The following SNW1 variants were observed in gnomAD, a reference collection of about 807,000 sequenced individuals.
The protein encoded by SNW1 is SNW domain-containing protein 1.
A neutral mutation model predicts 75.6 loss-of-function variants in SNW1; 9 were observed. That is an observed-to-expected ratio of 0.12 (90% CI 0.07 to 0.21). SNW1 has a LOEUF of 0.21. SNW1 is among the 10% of genes least tolerant of loss of function. The pLI, the probability that SNW1 is intolerant of heterozygous loss-of-function variation, is 1.00. For missense variants in SNW1, 409 were observed against 670.9 expected (o/e 0.61, Z 4.31); for synonymous variants, 200 against 219.1 (o/e 0.91, Z 0.77).
intron 3 of SNW1, among the ~76,000 whole-genome samples, chr14:77,741,225 G>A (rs2080716613): frequency 6.6e-6 from 1 of 151,424 alleles, no homozygotes; most frequent in Admixed American, 6.6e-5. Flanking sequence ...TGCTAAAGGT[G>A]TTTATAGGCC....
intron 10 of SNW1, among the ~76,000 whole-genome samples, chr14:77,726,090 T>G (rs1434439477): frequency 6.6e-6 from 1 of 152,206 alleles, no homozygotes; most frequent in Non-Finnish European, 1.5e-5. Flanking sequence ...TTTTTTCTTT[T>G]TATTCAGGAT....
intron 3 of SNW1, among the ~76,000 whole-genome samples, chr14:77,748,855 G>C (rs1023715696): frequency 2.6e-5 from 4 of 152,012 alleles, no homozygotes; most frequent in South Asian, 2.1e-4. Context: ...CCAAAGTGCT[G>C]GGATTACAGG....
intron 2 of SNW1, among the ~76,000 whole-genome samples, chr14:77,753,191 T>A (rs1207650827): frequency 6.6e-6 from 1 of 152,252 alleles, no homozygotes; most frequent in Non-Finnish European, 1.5e-5. Context: ...TAAGTTGTTC[T>A]GTTTCACCAG....
intron 3 of SNW1, among the ~76,000 whole-genome samples, chr14:77,744,615 C>G (rs57654091): frequency 6.6e-6 from 1 of 151,942 alleles, no homozygotes; most frequent in Non-Finnish European, 1.5e-5. Context: ...ATCACCAATA[C>G]AGACAGTGAT....
chr14:77,722,838 CTTTTTTTTTTT>C (rs773466539), intron 11 of SNW1: 7 of 287,354 alleles, frequency 2.4e-5, no homozygotes, highest in East Asian at 1.0e-4. Flanking sequence ...TGGTACATAT[CTTTTTTTTTTT>C]TTTTTTTTTT....
At position 77,761,147 on chromosome 14, in the gene SNW1, C is replaced by G. The variant is rs1331380462; in HGVS notation, c.-20G>C. ...CGCCATCTTCTTCCGCTTCTTCCAG[C>G]GCGAGCGACAGCACCGCTGGGCGGG... On this transcript the variant is annotated 5_prime_UTR_variant, in exon 1 of 14. Coordinates refer to ENST00000261531, the MANE Select transcript of SNW1 (RefSeq NM_012245.3). 3 of 1,614,232 alleles carry G rather than the reference C, an allele frequency of 1.9e-6. No homozygotes were observed. The highest frequency in any genetic ancestry group is 1.6e-4 in the Middle Eastern group (1 of 6,062).
chr14:77,723,863 T>C (rs2080563362), intron 10 of SNW1, among the ~76,000 whole-genome samples: 1 of 152,160 alleles, frequency 6.6e-6, no homozygotes, highest in Non-Finnish European at 1.5e-5. Context: ...CAAGCTAGTC[T>C]CAAACTCCTG....
At chr14:77,734,015 A>G in intron 8 of SNW1, 1 of 374,570 alleles carries the variant, frequency 2.7e-6, no homozygotes. Flanking sequence ...AATCAACTCA[A>G]ATCAGACCAG....
Position 77,720,738 on chromosome 14 carries a change from A to G in SNW1, c.1221T>C (p.Tyr407=), listed in dbSNP as rs2080533105. The change falls in exon 12 of 14, where the codon TAT becomes TAC. Residue 407 remains tyrosine, a synonymous_variant. Transcript: ENST00000261531. ...TGGATTGGTTGAAGAGCCTTTGGTCATACTGAACTTCATTGGAAGTCCGAG... is the reference window on the plus strand; with the variant it reads ...TGGATTGGTTGAAGAGCCTTTGGTCGTACTGAACTTCATTGGAAGTCCGAG... The part of the protein sequence containing the change: ...PNPRTSNEVQ[Y]DQRLFNQSKG... 6.2e-7 allele frequency: 1 copy of G among 1,613,122 alleles called. No individual in the cohort carries two copies. The highest frequency in any genetic ancestry group is 8.5e-7 in the Non-Finnish European group (1 of 1,179,106).
chr14:77,718,300 GA>G lies in SNW1; in HGVS notation c.1413-15del. The G allele has an allele frequency of 6.2e-7, 1 of 1,613,980 alleles. No individual in the cohort carries two copies. Among genetic ancestry groups the G allele is most frequent in the Non-Finnish European group, 8.5e-7 (1 of 1,179,936 alleles). On this transcript the variant is annotated splice_polypyrimidine_tract_variant and intron_variant, in intron 13 of 13. Transcript: ENST00000261531. Reference sequence around the variant, plus strand: ...TCGGGAACAAATCTAAGGAAAAGGAGAAAAAACTATGAACTACTTTGCTTTC... The same window carrying G: ...TCGGGAACAAATCTAAGGAAAAGGAGAAAAACTATGAACTACTTTGCTTTC...
chr14:77,735,835 A>G lies in SNW1; in HGVS notation c.708+102T>C, dbSNP rs1006922053. ...CTTGAAAAATAAAAAAAGAAACTAC[A>G]AGTCAGTGTGGTGACATGCACCTGT... On this transcript the variant is annotated intron_variant, in intron 7 of 13. Transcript: ENST00000261531. 22 of 732,716 alleles carry G rather than the reference A, an allele frequency of 3.0e-5. 1 individual carries two copies. The highest frequency in any genetic ancestry group is 7.1e-5 in the African/African-American group (4 of 56,016). 45.4% of individuals were successfully genotyped at this position (732,716 alleles called of 1,614,324 possible).
intron 11 of SNW1, chr14:77,722,973 T>C: frequency 2.0e-6 from 1 of 504,588 alleles, no homozygotes; most frequent in Non-Finnish European, 3.6e-6. Context: ...GCCTGCCAAG[T>C]AGCTGGGACT....
chr14:77,728,313 T>C (rs556014892), intron 10 of SNW1, among the ~76,000 whole-genome samples: 52 of 152,244 alleles, frequency 3.4e-4, no homozygotes, highest in Non-Finnish European at 5.3e-4. Flanking sequence ...TAGCTGGGCA[T>C]GGTGATGGGC....
intron 3 of SNW1, among the ~76,000 whole-genome samples, chr14:77,744,336 T>G (rs2080741971): frequency 6.8e-6 from 1 of 147,044 alleles, no homozygotes; most frequent in South Asian, 2.1e-4. Flanking sequence ...GCGCCTGTAA[T>G]CCCAGCTACG....
At chr14:77,723,407 T>C in intron 10 of SNW1, 130 bp from the exon 11 acceptor site, 1 of 681,710 alleles carries the variant, frequency 1.5e-6, no homozygotes, top group Non-Finnish European at 2.6e-6. Flanking sequence ...TGGAGTGTAG[T>C]AGCATGAACA....
intron 1 of SNW1, 188 bp downstream of exon 1, chr14:77,760,926 C>T: frequency 1.5e-6 from 2 of 1,358,560 alleles, no homozygotes; most frequent in Non-Finnish European, 1.0e-6. Context: ...CCCGGGAAAC[C>T]GCTGAAAGAC....
intron 3 of SNW1, among the ~76,000 whole-genome samples, chr14:77,749,307 C>T (rs1439102952): frequency 6.6e-6 from 1 of 152,162 alleles, no homozygotes; most frequent in Admixed American, 6.5e-5. Context: ...GAGAGCACCT[C>T]ATCAAACTGG....
intron 1 of SNW1, 177 bp downstream of exon 1, chr14:77,760,937 C>A: frequency 6.9e-7 from 1 of 1,440,574 alleles, no homozygotes; most frequent in Non-Finnish European, 9.7e-7. Context: ...GCTGAAAGAC[C>A]CCAGCTTCGA....
Position 77,735,978 on chromosome 14 carries a change from G to A in SNW1, c.667C>T (p.Pro223Ser). ...TGCATGACAGGCGCAGGAGGAGAAG[G>A]TGGTCCCCGGGGAATTTTCTTATTA... ...KINKKIPRGP[P>S]SPPAPVMHSP... Residue 223 changes from proline to serine, a missense_variant, in exon 7 of 14, where the codon CCT (proline) becomes TCT (serine). Transcript: ENST00000261531. 1.9e-6 allele frequency: 3 copies of A among 1,613,888 alleles called. No individual in the cohort carries two copies. The highest frequency in any genetic ancestry group is 2.5e-6 in the Non-Finnish European group (3 of 1,179,834).
Sources: allele counts gnomAD v4.1 joint callset (sites outside exome capture counted in the v4.1 genomes callset), GRCh38; gene constraint gnomAD v4.1.1; transcripts MANE v1.5; gene names NCBI Gene and HGNC (gene_info 2026-07-23, HGNC 2026-07-21).